The following UBE2H variants were observed in gnomAD, a reference collection of about 807,000 sequenced individuals.
UBE2H encodes ubiquitin-conjugating enzyme E2 H.
Under a neutral mutation model 29.0 loss-of-function variants are expected in UBE2H, and 3 were observed. That is an observed-to-expected ratio of 0.10 (90% CI 0.05 to 0.27). UBE2H has a LOEUF of 0.27. UBE2H is among the 10% of genes least tolerant of loss of function. The probability of loss-of-function intolerance (pLI) is 1.00; values close to 1 mark genes in which losing one functional copy is unlikely to be tolerated. For missense variants in UBE2H, 68 were observed against 228.2 expected, an observed-to-expected ratio of 0.30 and a Z score of 4.52; for synonymous variants, 69 against 82.9, an observed-to-expected ratio of 0.83 and a Z score of 0.91.
At chr7:129,862,726 A>G (rs1333499501) in intron 3 of UBE2H, among the ~76,000 whole-genome samples, 2 of 152,190 alleles carry the variant, frequency 1.3e-5, no homozygotes, top group South Asian at 2.1e-4. Context: ...GATTTGAAAA[A>G]GGGGCAGAAA....
In UBE2H at chr7:129,864,556, CTTTTTT is replaced by C. The variant is rs367930226; in HGVS notation, c.206-5621_206-5616del. On this transcript the variant is annotated intron_variant, in intron 3 of 6. Transcript: ENST00000355621. ...CAGGCATTTTCTTTTTCTTTTCTTT[CTTTTTT>C]TTTTTTTTTGAGACAGAATCTCACT... is the stretch of plus-strand genomic sequence containing the variant. Among the ~76,000 whole-genome samples the C allele has an allele frequency of 3.8e-5, 5 of 130,964 alleles. No homozygotes were observed. In the East Asian group the frequency reaches 6.8e-4, roughly 18 times the overall value. The allele number at this position is 130,964 out of a possible 152,430, so 85.9% of individuals were successfully genotyped here.
chr7:129,867,441 T>C (rs1805926699), intron 3 of UBE2H, among the ~76,000 whole-genome samples: 2 of 128,376 alleles, frequency 1.6e-5, no homozygotes, highest in Non-Finnish European at 3.2e-5. Context: ...CAGTAAACTA[T>C]CGCAAGAACA....
rs978349133 is a variant in UBE2H at position 129,838,046 on chromosome 7, T to A, written c.427+1161A>T. Among the ~76,000 whole-genome samples the A allele has an allele frequency of 1.4e-4, 22 of 152,208 alleles. 1 individual carries two copies. Among genetic ancestry groups the A allele is most frequent in the Non-Finnish European group, 2.1e-4 (14 of 68,032 alleles). ...CAGACATTGCTAAGTGATTCCTATGTCAAAATTTTAATATAGTCTCATAAC... is the reference window on the plus strand; with the variant it reads ...CAGACATTGCTAAGTGATTCCTATGACAAAATTTTAATATAGTCTCATAAC... On this transcript the variant is annotated intron_variant, in intron 6 of 6. Coordinates refer to ENST00000355621, the MANE Select transcript of UBE2H (RefSeq NM_003344.4).
chr7:129,901,490 T>C (rs1315647675), intron 1 of UBE2H, among the ~76,000 whole-genome samples: 1 of 152,142 alleles, frequency 6.6e-6, no homozygotes, highest in Non-Finnish European at 1.5e-5. Flanking sequence ...TGATAGGCAG[T>C]AGACTGGCTG....
rs575189225 is a variant in UBE2H, at chr7:129,951,384, A to C, written c.53+1119T>G. On this transcript the variant is annotated intron_variant, in intron 1 of 6. Transcript: ENST00000355621. ...GAGAGAAACAGGAGACAGGACTTTT[A>C]AACTGTGTTCCACACTACCACCCTC... 4 of 152,346 alleles carry C rather than the reference A, an allele frequency of 2.6e-5. No homozygotes were observed. The South Asian group carries it at 8.3e-4, about 32-fold the overall frequency. The allele number at this position is 152,346 out of a possible 1,614,324, so 9.4% of individuals were successfully genotyped here.
intron 1 of UBE2H, among the ~76,000 whole-genome samples, chr7:129,914,754 T>C (rs1807010010): frequency 6.6e-6 from 1 of 152,110 alleles, no homozygotes; most frequent in African/African-American, 2.4e-5. Context: ...AGTACCATAA[T>C]AGAGAATTTA....
intron 1 of UBE2H, among the ~76,000 whole-genome samples, chr7:129,930,841 G>A (rs1188086768): frequency 6.9e-6 from 1 of 145,482 alleles, no homozygotes; most frequent in Non-Finnish European, 1.5e-5. Context: ...CCAGGAGGCA[G>A]GGGTTGCAGT....
intron 1 of UBE2H, among the ~76,000 whole-genome samples, chr7:129,900,375 T>C (rs1007680938): frequency 2.0e-5 from 3 of 152,244 alleles, no homozygotes; most frequent in Non-Finnish European, 4.4e-5. Context: ...GAGTTTACCC[T>C]TGACTACTTA....
intron 3 of UBE2H, among the ~76,000 whole-genome samples, chr7:129,865,946 GT>G (rs1181370156): frequency 5.3e-5 from 8 of 152,036 alleles, no homozygotes; most frequent in Non-Finnish European, 1.0e-4. Context: ...TTGAGTAAGG[GT>G]GGGGGGGTGC....
chr7:129,879,380 A>G (rs1348465252), intron 3 of UBE2H, among the ~76,000 whole-genome samples, 188 bp downstream of exon 3: 1 of 152,252 alleles, frequency 6.6e-6, no homozygotes, highest in Admixed American at 6.5e-5. Context: ...TGCAAAGAGT[A>G]TATTTAAACG....
chr7:129,944,763 C>A (rs1391263205), intron 1 of UBE2H, among the ~76,000 whole-genome samples: 1 of 151,730 alleles, frequency 6.6e-6, no homozygotes, highest in Admixed American at 6.6e-5. Context: ...CACGCACGCA[C>A]GCGCATGCGC....
chr7:129,901,083 G>A (rs548727441), intron 1 of UBE2H, among the ~76,000 whole-genome samples: 3 of 152,206 alleles, frequency 2.0e-5, no homozygotes, highest in African/African-American at 4.8e-5. Flanking sequence ...TTTCCCCAAG[G>A]AAATAAGCAC....
intron 1 of UBE2H, among the ~76,000 whole-genome samples, chr7:129,896,187 A>G (rs1806596693): frequency 6.6e-6 from 1 of 151,704 alleles, no homozygotes. Context: ...AACACAAAAA[A>G]TTAGCTGGAC....
chr7:129,861,634 G>A (rs562020917), intron 3 of UBE2H, among the ~76,000 whole-genome samples: 4 of 152,290 alleles, frequency 2.6e-5, no homozygotes, highest in Admixed American at 6.5e-5. Flanking sequence ...GCTCTCGCCC[G>A]TAATCCCAAC....
chr7:129,909,437 T>C (rs1472760789), intron 1 of UBE2H, among the ~76,000 whole-genome samples: 1 of 152,132 alleles, frequency 6.6e-6, no homozygotes, highest in Non-Finnish European at 1.5e-5. Flanking sequence ...ATGAAAAACA[T>C]ACAAGGGGAC....
rs763883636 is a variant in UBE2H at position 129,879,660 on chromosome 7, A to C, written c.131-18T>G. 1.1e-5 allele frequency: 18 copies of C among 1,602,030 alleles called. No individual in the cohort carries two copies. Among genetic ancestry groups the C allele is most frequent in the Non-Finnish European group, 1.5e-5 (17 of 1,171,890 alleles). On this transcript the variant is annotated intron_variant, in intron 2 of 6. Coordinates refer to ENST00000355621, the MANE Select transcript of UBE2H (RefSeq NM_003344.4). ...ATATGGTGCTGAAATAAAAGTAAAA[A>C]TGTTCATCAGAACTACATCTCCAAA... is the stretch of plus-strand genomic sequence containing the variant.
chr7:129,843,199 C>T (rs1346043562), intron 5 of UBE2H, among the ~76,000 whole-genome samples: 1 of 151,894 alleles, frequency 6.6e-6, no homozygotes, highest in Non-Finnish European at 1.5e-5. Flanking sequence ...AGGGGTTTCA[C>T]CGTGTTAGCC....
chr7:129,940,114 T>G (rs369060708), intron 1 of UBE2H, among the ~76,000 whole-genome samples: 1 of 152,288 alleles, frequency 6.6e-6, no homozygotes. Flanking sequence ...ACGCACTCTG[T>G]ATCTAGTTTT....
At chr7:129,890,386 TA>T (rs1432472264) in intron 1 of UBE2H, among the ~76,000 whole-genome samples, 7 of 151,860 alleles carry the variant, frequency 4.6e-5, no homozygotes, top group Admixed American at 6.6e-5. Flanking sequence ...CTTATATATA[TA>T]TTTTTTTTAA....
Sources: gnomAD v4.1 joint callset for allele counts (sites outside exome capture counted in the v4.1 genomes callset) on GRCh38, gnomAD v4.1.1 for gene constraint, MANE v1.5 for transcripts, NCBI Gene and HGNC (gene_info 2026-07-23, HGNC 2026-07-21) for gene names.